The following MMADHC variants were observed in gnomAD, a reference collection of about 807,000 sequenced individuals.
MMADHC encodes metabolism of cobalamin associated D, also known as cobalamin trafficking protein CblD.
MMADHC carries 23 observed loss-of-function variants against 36.3 expected under a neutral mutation model. That is an observed-to-expected ratio of 0.63 (90% CI 0.46 to 0.90). The LOEUF (loss-of-function observed/expected upper bound fraction) is 0.90. Ranked by LOEUF, MMADHC falls within the 40% of genes least tolerant of loss-of-function variation. MMADHC has a pLI of 0.00. For synonymous variants in MMADHC, 97 were observed against 116.1 expected, an observed-to-expected ratio of 0.84 and a Z score of 1.06; for missense variants, 330 against 348.0, an observed-to-expected ratio of 0.95 and a Z score of 0.41.
intron 4 of MMADHC, among the ~76,000 whole-genome samples, chr2:149,578,857 A>T (rs1281164276): frequency 6.6e-6 from 1 of 151,984 alleles, no homozygotes; most frequent in Non-Finnish European, 1.5e-5. Flanking sequence ...GAAACCCTGA[A>T]TTGCATGTAG....
intron 6 of MMADHC, among the ~76,000 whole-genome samples, chr2:149,573,339 ACCTGTGTTT>A (rs1321743231): frequency 6.6e-6 from 1 of 152,196 alleles, no homozygotes; most frequent in Non-Finnish European, 1.5e-5. Flanking sequence ...TAAGAAAGCC[ACCTGTGTTT>A]TAACCCTGTA....
rs199772659 is a variant in MMADHC at position 149,578,919 on chromosome 2, GA to G, written c.372+511del. On this transcript the variant is annotated intron_variant, in intron 4 of 7. Coordinates refer to ENST00000303319, the MANE Select transcript of MMADHC (RefSeq NM_015702.3). ...ATGCAAGTTTAAAATGTTTAAAAAT[GA>G]AAAAAAAAAACCCAAACAAACCTTA... Among the ~76,000 whole-genome samples, 727 of 125,244 alleles carry G rather than the reference GA, an allele frequency of 5.8e-3. 7 individuals carry two copies. Among genetic ancestry groups the G allele is most frequent in the African/African-American group, 0.016 (554 of 34,036 alleles). The allele number at this position is 125,244 out of a possible 152,430, so 82.2% of individuals were successfully genotyped here. A position where few individuals can be genotyped will look rare whatever the true frequency, so the allele number is the denominator to read the frequency against.
chr2:149,571,653 G>A (rs1413059340), intron 6 of MMADHC, among the ~76,000 whole-genome samples: 3 of 151,954 alleles, frequency 2.0e-5, no homozygotes, highest in African/African-American at 4.8e-5. Context: ...GGTGGCGGGC[G>A]CCTGTAGTCC....
At chr2:149,574,241 G>A (rs1682683028) in intron 6 of MMADHC, among the ~76,000 whole-genome samples, 2 of 152,048 alleles carry the variant, frequency 1.3e-5, no homozygotes, top group Admixed American at 6.5e-5. Context: ...TTCAATGATA[G>A]TGATGAGTAT....
At chr2:149,578,262 GC>G (rs1212741574) in intron 4 of MMADHC, among the ~76,000 whole-genome samples, 7 of 152,140 alleles carry the variant, frequency 4.6e-5, no homozygotes, top group Non-Finnish European at 8.8e-5. Context: ...AGAGATAAAA[GC>G]GATGTGATTT....
intron 3 of MMADHC, among the ~76,000 whole-genome samples, chr2:149,581,533 A>G (rs529066039): frequency 6.6e-6 from 1 of 152,282 alleles, no homozygotes; most frequent in South Asian, 2.1e-4. Context: ...GGAATATGGC[A>G]TGTAGCATTT....
intron 5 of MMADHC, 124 bp from the exon 6 acceptor site, chr2:149,575,965 T>C (rs561462401): frequency 1.4e-6 from 1 of 720,576 alleles, no homozygotes; most frequent in Non-Finnish European, 2.3e-6. Context: ...GTGGTATTAG[T>C]TAATTTTTAT....
chr2:149,575,913 A>C (rs1449578283), intron 5 of MMADHC, 72 bp from the exon 6 acceptor site: 1 of 1,194,260 alleles, frequency 8.4e-7, no homozygotes, highest in Non-Finnish European at 1.2e-6. Context: ...AAAGAAGGAT[A>C]AAAGTACTTC....
chr2:149,586,776 C>A, intron 2 of MMADHC: 11 of 354,168 alleles, frequency 3.1e-5, no homozygotes, highest in South Asian at 2.4e-4. Context: ...TTTAGCTAAC[C>A]CAAAAGCTAA....
intron 7 of MMADHC, 133 bp downstream of exon 7, chr2:149,570,952 A>G: frequency 1.4e-6 from 1 of 696,874 alleles, no homozygotes; most frequent in Non-Finnish European, 2.5e-6. Context: ...CAACTGACTC[A>G]CAGTAGTATT....
chr2:149,574,808 CTTTTA>C (rs1286241159), intron 6 of MMADHC, among the ~76,000 whole-genome samples: 4 of 152,120 alleles, frequency 2.6e-5, no homozygotes, highest in Non-Finnish European at 5.9e-5. Context: ...TAAGAAACTT[CTTTTA>C]TAAGAGATGG....
chr2:149,571,636 C>T (rs192858476), intron 6 of MMADHC, among the ~76,000 whole-genome samples: 119 of 151,874 alleles, frequency 7.8e-4, no homozygotes, highest in Middle Eastern at 3.4e-3. Flanking sequence ...AAAAATTAGC[C>T]GGGTGTGGTG....
At chr2:149,583,434 T>C (rs977355638) in intron 2 of MMADHC, among the ~76,000 whole-genome samples, 2 of 152,184 alleles carry the variant, frequency 1.3e-5, no homozygotes, top group Non-Finnish European at 2.9e-5. Flanking sequence ...ATTGAACTTA[T>C]GGGCAACTAT....
intron 3 of MMADHC, among the ~76,000 whole-genome samples, chr2:149,580,243 T>C (rs957148824): frequency 1.3e-5 from 2 of 152,138 alleles, no homozygotes; most frequent in African/African-American, 4.8e-5. Context: ...ATTACAGTCA[T>C]GAGCCACTGT....
In MMADHC at chr2:149,583,550, A is replaced by C. The variant is rs555283106; in HGVS notation, c.10-1279T>G. ...AAAGAGTCAGAGCAAACTGACAAAA[A>C]CAAAGGCTGTTTTAAGAAATGTACC... On this transcript the variant is annotated intron_variant, in intron 2 of 7. Coordinates refer to ENST00000303319, the MANE Select transcript of MMADHC (RefSeq NM_015702.3). Among the ~76,000 whole-genome samples, 13 of 152,326 alleles carry C rather than the reference A, an allele frequency of 8.5e-5. No individual in the cohort carries two copies. In the East Asian group the frequency reaches 2.3e-3, roughly 27 times the overall value.
In MMADHC at chr2:149,587,107, AG is replaced by A. The variant is rs1682883319; in HGVS notation, c.-11del. 1 of 1,613,742 alleles carries A rather than the reference AG, an allele frequency of 6.2e-7. No individual in the cohort carries two copies. The highest frequency in any genetic ancestry group is 8.5e-7 in the Non-Finnish European group (1 of 1,179,702). On this transcript the variant is annotated 5_prime_UTR_variant, in exon 2 of 8. Transcript: ENST00000303319. ...TACTCACATTGGCCATCTCCGCTGG[AG>A]AAGATAGTTCGCAAAATAGCTTTCC...
rs568572767 is a variant in MMADHC, at chr2:149,577,891, G to A, written c.373-1349C>T. Among the ~76,000 whole-genome samples the A allele has an allele frequency of 1.7e-3, 258 of 152,178 alleles. 1 individual carries two copies. Among genetic ancestry groups the A allele is most frequent in the African/African-American group, 5.9e-3 (246 of 41,518 alleles). ...AAATCAGCTGGGTGTGGTGGTGCAC[G>A]CCTGTAATCTCAGCTACTCGGGAGG... On this transcript the variant is annotated intron_variant, in intron 4 of 7. Transcript: ENST00000303319.
At chr2:149,584,574 G>C (rs1232593406) in intron 2 of MMADHC, among the ~76,000 whole-genome samples, 1 of 151,966 alleles carries the variant, frequency 6.6e-6, no homozygotes, top group Non-Finnish European at 1.5e-5. Context: ...TTCTTTTCTT[G>C]GTGATAGAAC....
chr2:149,570,012 G>T lies in MMADHC; in HGVS notation c.853C>A (p.Pro285Thr), dbSNP rs1362174740. ...VVGSIFTNATPDSHIMKKLSG... is the reference protein window; with the variant it reads ...VVGSIFTNATTDSHIMKKLSG... ...AATTTCTTCATAATATGGCTGTCTG[G>T]TGTTGCATTAGTGAAGATACTCCCT... is the stretch of plus-strand genomic sequence containing the variant. The change falls in exon 8 of 8, where the codon CCA becomes ACA. Residue 285 changes from proline (P) to threonine (T), a missense_variant. Pro to Thr is a conservative substitution (Grantham distance 38, BLOSUM62 -1). Transcript: ENST00000303319. The T allele has an allele frequency of 1.2e-6, 2 of 1,613,468 alleles. No homozygotes were observed. The highest frequency in any genetic ancestry group is 2.2e-5 in the South Asian group (2 of 91,056).
Sources: allele counts gnomAD v4.1 joint callset (sites outside exome capture counted in the v4.1 genomes callset), GRCh38; gene constraint gnomAD v4.1.1; transcripts MANE v1.5; gene names NCBI Gene and HGNC (gene_info 2026-07-23, HGNC 2026-07-21).